The following CNTNAP3 variants were observed in gnomAD, a reference collection of about 807,000 sequenced individuals.
CNTNAP3 encodes the protein contactin associated protein family member 3, also known as contactin-associated protein-like 3.
Under a neutral mutation model 92.1 loss-of-function variants are expected in CNTNAP3, and 36 were observed. That is an observed-to-expected ratio of 0.39 (90% CI 0.30 to 0.52). The LOEUF (loss-of-function observed/expected upper bound fraction) is 0.52. Ranked by LOEUF, CNTNAP3 falls within the 20% of genes least tolerant of loss-of-function variation. CNTNAP3 has a pLI of 0.76. For synonymous variants in CNTNAP3, 232 were observed against 422.3 expected, an observed-to-expected ratio of 0.55 and a Z score of 5.53; for missense variants, 534 against 1,069.6, an observed-to-expected ratio of 0.50 and a Z score of 6.98.
At chr9:39,113,918 G>A (rs1820778739) in intron 14 of CNTNAP3, among the ~76,000 whole-genome samples, 1 of 151,202 alleles carries the variant, frequency 6.6e-6, no homozygotes, top group South Asian at 2.1e-4. Flanking sequence ...TTATTCCACT[G>A]TTTTGGGTGT....
intron 14 of CNTNAP3, among the ~76,000 whole-genome samples, chr9:39,110,166 T>C (rs1826709296): frequency 6.6e-6 from 1 of 151,956 alleles, no homozygotes; most frequent in South Asian, 2.1e-4. Context: ...GAGACTGGGG[T>C]GGGCAGATTG....
intron 10 of CNTNAP3, among the ~76,000 whole-genome samples, chr9:39,149,288 G>A (rs1332455391): frequency 6.6e-6 from 1 of 152,026 alleles, no homozygotes; most frequent in African/African-American, 2.4e-5. Context: ...TAAGGTGTAT[G>A]TCTTCTAATA....
At position 39,259,173 on chromosome 9, in the gene CNTNAP3, C is replaced by T. The variant is rs1299251397; in HGVS notation, c.196+7723G>A. On this transcript the variant is annotated intron_variant, in intron 2 of 23. Coordinates refer to ENST00000297668, the MANE Select transcript of CNTNAP3 (RefSeq NM_033655.5). ...CCTCCCAAAGTGCTGGGATTACAGGCGTGAACCACCGTGCCCGGTCCTGCA... is the reference window on the plus strand; with the variant it reads ...CCTCCCAAAGTGCTGGGATTACAGGTGTGAACCACCGTGCCCGGTCCTGCA... Among the ~76,000 whole-genome samples, 8 of 23,470 alleles carry T rather than the reference C, an allele frequency of 3.4e-4. 4 individuals are homozygous for T. In the Admixed American group the frequency reaches 5.7e-3, roughly 17 times the overall value. The allele number at this position is 23,470 out of a possible 152,430, so 15.4% of individuals were successfully genotyped here.
At chr9:39,143,998 C>G (rs866173056) in intron 11 of CNTNAP3, among the ~76,000 whole-genome samples, 1 of 152,170 alleles carries the variant, frequency 6.6e-6, no homozygotes, top group Non-Finnish European at 1.5e-5. Context: ...TTCTCCTAGA[C>G]TTATTTCCCC....
In CNTNAP3 at chr9:39,123,673, G is replaced by A. The variant is rs1411167984; in HGVS notation, c.2081-5414C>T. 5.9e-5 allele frequency among the ~76,000 whole-genome samples: 9 copies of A among 152,066 alleles called. No homozygotes were observed. In the East Asian group the frequency reaches 7.7e-4, roughly 13 times the overall value. The stretch of plus-strand genomic sequence containing the variant: ...TAAAATCTTTTAAAAATAAAATCTC[G>A]AAATAAACCAGAGTAAAATAAAACA... On this transcript the variant is annotated intron_variant, in intron 13 of 23. Coordinates refer to ENST00000297668, the MANE Select transcript of CNTNAP3 (RefSeq NM_033655.5).
chr9:39,102,896 C>T (rs548656046), intron 16 of CNTNAP3, among the ~76,000 whole-genome samples, 181 bp from the exon 17 acceptor site: 21 of 152,198 alleles, frequency 1.4e-4, no homozygotes, highest in African/African-American at 2.7e-4. Context: ...GAAAACAGAA[C>T]GGATTTTAAC....
chr9:39,118,537 A>C (rs1009614235), intron 13 of CNTNAP3, among the ~76,000 whole-genome samples: 1 of 152,168 alleles, frequency 6.6e-6, no homozygotes, highest in Non-Finnish European at 1.5e-5. Context: ...CTTTCTATAG[A>C]AATAACATTC....
intron 13 of CNTNAP3, among the ~76,000 whole-genome samples, chr9:39,126,941 A>G (rs549262020): frequency 6.6e-6 from 1 of 152,036 alleles, no homozygotes; most frequent in South Asian, 2.1e-4. Flanking sequence ...TCCACTTAAG[A>G]ATAGCAGAAT....
At chr9:39,091,840 T>C (rs1317461266) in intron 18 of CNTNAP3, among the ~76,000 whole-genome samples, 1 of 151,864 alleles carries the variant, frequency 6.6e-6, no homozygotes, top group African/African-American at 2.4e-5. Context: ...ATAGCATCAA[T>C]TGTTTGAAAC....
chr9:39,109,448 T>A (rs1167935971), intron 14 of CNTNAP3, among the ~76,000 whole-genome samples, 161 bp from the exon 15 acceptor site: 1 of 152,110 alleles, frequency 6.6e-6, no homozygotes, highest in Non-Finnish European at 1.5e-5. Flanking sequence ...TGAATCTAAA[T>A]CAGGGATGGG....
chr9:39,132,833 G>C lies in CNTNAP3; in HGVS notation c.2080+99C>G, dbSNP rs554122098. The C allele has an allele frequency of 5.2e-6, 7 of 1,350,004 alleles. No homozygotes were observed. The East Asian group carries it at 8.4e-5, about 16-fold the overall frequency. 83.6% of individuals were successfully genotyped at this position (1,350,004 alleles called of 1,614,324 possible). The stretch of plus-strand genomic sequence containing the variant: ...GTCAGGGCTTTGAACTAAGAGCCAC[G>C]GGAGGGACCCTGGCCTTTTCTCCCT... On this transcript the variant is annotated intron_variant, in intron 13 of 23. Coordinates refer to ENST00000297668, the MANE Select transcript of CNTNAP3 (RefSeq NM_033655.5).
At chr9:39,077,485 A>G (rs1299782540) in intron 23 of CNTNAP3, among the ~76,000 whole-genome samples, 1 of 152,262 alleles carries the variant, frequency 6.6e-6, no homozygotes, top group East Asian at 1.9e-4. Context: ...TGAACCCGGG[A>G]GGCGGAGCTT....
chr9:39,130,739 G>C (rs1431689161), intron 13 of CNTNAP3, among the ~76,000 whole-genome samples: 1 of 151,800 alleles, frequency 6.6e-6, no homozygotes, highest in African/African-American at 2.4e-5. Context: ...TCCTGACCTC[G>C]TGATCCGCCC....
In CNTNAP3 at chr9:39,123,789, A is replaced by G. The variant is rs540362696; in HGVS notation, c.2081-5530T>C. 9.9e-5 allele frequency among the ~76,000 whole-genome samples: 15 copies of G among 152,200 alleles called. No individual in the cohort carries two copies. In the East Asian group the frequency reaches 2.5e-3, roughly 26 times the overall value. ...GAAGAAAGTGAAGTGAAATATTTAA[A>G]CTGTTGAGAGAAAACACACACTAAT... On this transcript the variant is annotated intron_variant, in intron 13 of 23. Coordinates refer to ENST00000297668, the MANE Select transcript of CNTNAP3 (RefSeq NM_033655.5).
At chr9:39,088,927 A>G (rs1826129093) in intron 18 of CNTNAP3, among the ~76,000 whole-genome samples, 1 of 152,234 alleles carries the variant, frequency 6.6e-6, no homozygotes, top group South Asian at 2.1e-4. Context: ...TTTACATATA[A>G]CTAATTCTTC....
In CNTNAP3 at chr9:39,288,103, G is replaced by T; in HGVS notation, c.-39C>A. 4.4e-6 allele frequency: 2 copies of T among 454,306 alleles called. 1 individual carries two copies. The highest frequency in any genetic ancestry group is 6.3e-6 in the Non-Finnish European group (2 of 316,764). 28.1% of individuals were successfully genotyped at this position (454,306 alleles called of 1,614,324 possible). Reference sequence around the variant, plus strand: ...AGGCGCCCTGAGACCCGGGCACGGCGACGGCCGCTCTGCGTCGCTCCTGCT... The same window carrying T: ...AGGCGCCCTGAGACCCGGGCACGGCTACGGCCGCTCTGCGTCGCTCCTGCT... On this transcript the variant is annotated 5_prime_UTR_variant, in exon 1 of 24. Transcript: ENST00000297668.
At chr9:39,121,808 A>G (rs918846417) in intron 13 of CNTNAP3, among the ~76,000 whole-genome samples, 3 of 152,296 alleles carry the variant, frequency 2.0e-5, no homozygotes, top group Admixed American at 6.5e-5. Context: ...GTCCTAAGAC[A>G]TAAGGGGAGG....
At chr9:39,075,914 AATTAT>A in intron 23 of CNTNAP3, among the ~76,000 whole-genome samples, 1 of 152,310 alleles carries the variant, frequency 6.6e-6, no homozygotes, top group Admixed American at 6.5e-5. Flanking sequence ...GATGAGGAGA[AATTAT>A]ATTTCCTCCC....
At chr9:39,089,709 A>C (rs543671442) in intron 18 of CNTNAP3, among the ~76,000 whole-genome samples, 19 of 152,236 alleles carry the variant, frequency 1.2e-4, no homozygotes, top group African/African-American at 4.3e-4. Flanking sequence ...ATATCTCCAC[A>C]TCCTCACCAA....
Sources: allele counts gnomAD v4.1 joint callset (sites outside exome capture counted in the v4.1 genomes callset), GRCh38; gene constraint gnomAD v4.1.1; transcripts MANE v1.5; gene names NCBI Gene and HGNC (gene_info 2026-07-23, HGNC 2026-07-21).